YY1AP1: variants seen among roughly 807,000 people sequenced by gnomAD.
YY1AP1 encodes YY1 associated protein 1.
YY1AP1 carries 43 observed loss-of-function variants against 39.9 expected under a neutral mutation model. The ratio of observed to expected loss-of-function variants is 1.08; its 90% confidence interval spans 0.84 to 1.39. The LOEUF (loss-of-function observed/expected upper bound fraction) is 1.39. YY1AP1 is among the 40% of genes most tolerant of loss of function. YY1AP1 has a pLI of 0.00. For synonymous variants in YY1AP1, 292 were observed against 331.3 expected (o/e 0.88, Z 1.29); for missense variants, 813 against 900.7 (o/e 0.90, Z 1.25).
At chr1:155,665,590 AGACTCG>A (rs1648865886) in intron 9 of YY1AP1, among the ~76,000 whole-genome samples, 1 of 151,656 alleles carries the variant, frequency 6.6e-6, no homozygotes, top group African/African-American at 2.4e-5. Context: ...CAACAAAGCG[AGACTCG>A]GTCTCAAAAA....
intron 8 of YY1AP1, 106 bp from the exon 9 acceptor site, chr1:155,668,883 A>AG: frequency 2.0e-6 from 3 of 1,530,444 alleles, no homozygotes; most frequent in Non-Finnish European, 1.8e-6. Context: ...CTTGTTCTTA[A>AG]AACAAGGTCT....
rs748952816 is a variant in YY1AP1, at chr1:155,688,063, C to G, written c.-21+8G>C. 3 of 1,570,892 alleles carry G rather than the reference C, an allele frequency of 1.9e-6. No homozygotes were observed. The highest frequency in any genetic ancestry group is 2.7e-5 in the African/African-American group (2 of 74,132). ...GGCCCGAATGCCGGCCCAAATCGTT[C>G]TACTCACCGTGTCGGAGGCCGAGAG... On this transcript the variant is annotated splice_region_variant and intron_variant, in intron 2 of 10. Transcript: ENST00000355499.
chr1:155,675,495 T>C (rs1304909225), intron 5 of YY1AP1, among the ~76,000 whole-genome samples: 1 of 151,992 alleles, frequency 6.6e-6, no homozygotes, highest in Non-Finnish European at 1.5e-5. Flanking sequence ...ACCCAGCTAA[T>C]TTTTTGTTTT....
chr1:155,679,409 C>T lies in YY1AP1; in HGVS notation c.125G>A (p.Arg42Gln), dbSNP rs777901819. 4.3e-6 allele frequency: 7 copies of T among 1,614,024 alleles called. No individual in the cohort carries two copies. Among genetic ancestry groups the T allele is most frequent in the East Asian group, 2.2e-5 (1 of 44,902 alleles). Residue 42 changes from arginine (R) to glutamine (Q), a missense_variant and splice_region_variant, in exon 4 of 11, where the codon CGG becomes CAG. Around this residue, in one of 3 missense-constraint regions of YY1AP1, gnomAD observed 196 missense variants for 189.7 expected, o/e 1.03. Transcript: ENST00000355499. The stretch of plus-strand genomic sequence containing the variant: ...ATCTCAAGGTCTTCAACTAGCCTAC[C>T]GTAGAGCTTGAGGGGTGTTAAAGTT... ...QANFNTPQAL[R>Q]FEELLANLLN...
At chr1:155,684,350 C>T (rs890325243) in intron 2 of YY1AP1, among the ~76,000 whole-genome samples, 8 of 152,176 alleles carry the variant, frequency 5.3e-5, no homozygotes, top group African/African-American at 1.9e-4. Flanking sequence ...ACACTACACA[C>T]ACATATCACA....
rs1650032505 is a variant in YY1AP1 at position 155,672,616 on chromosome 1, T to C, written c.527A>G (p.Asp176Gly). 7 of 1,613,056 alleles carry C rather than the reference T, an allele frequency of 4.3e-6. No individual in the cohort carries two copies. The highest frequency in any genetic ancestry group is 5.9e-6 in the Non-Finnish European group (7 of 1,179,202). ...GTCAATGCTGACATGTGTGCTGAAG[T>C]CTTCAATCAGCTGCATAGCTCCCAT... ...NLMGAMQLIE[D>G]FSTHVSIDCS... The change falls in exon 7 of 11, where the codon GAC becomes GGC. Residue 176 changes from aspartate (D) to glycine (G), a missense_variant. Transcript: ENST00000355499.
In YY1AP1 at chr1:155,670,367, C is replaced by T. The variant is rs895885221; in HGVS notation, c.681G>A (p.Lys227=). Residue 227 remains lysine, a synonymous_variant, in exon 8 of 11, where the codon AAG becomes AAA. Coordinates refer to ENST00000355499, the MANE Select transcript of YY1AP1 (RefSeq NM_139119.3). ...GGATCTTATCCTGGGGATTCTTTGCCTTCAGGGAACACACTGGAAGTAACT... is the reference window on the plus strand; with the variant it reads ...GGATCTTATCCTGGGGATTCTTTGCTTTCAGGGAACACACTGGAAGTAACT... ...YPELLPVCSL[K]AKNPQDKILF... 1 of 1,613,094 alleles carries T rather than the reference C, an allele frequency of 6.2e-7. No homozygotes were observed. Among genetic ancestry groups the T allele is most frequent in the African/African-American group, 1.3e-5 (1 of 74,888 alleles).
chr1:155,664,767 G>C (rs1648695360), intron 9 of YY1AP1, among the ~76,000 whole-genome samples: 1 of 140,564 alleles, frequency 7.1e-6, no homozygotes, highest in Admixed American at 7.3e-5. Flanking sequence ...CATGAATGGA[G>C]ATTTTTTTTT....
chr1:155,661,099 C>A, intron 10 of YY1AP1, 186 bp from the exon 11 acceptor site: 1 of 1,489,798 alleles, frequency 6.7e-7, no homozygotes, highest in South Asian at 1.3e-5. Flanking sequence ...TTTCCTTTAG[C>A]AAATTACCAT....
Position 155,688,121 on chromosome 1 carries a change from G to A in YY1AP1, c.-71C>T, listed in dbSNP as rs778699844. ...AGTACAGGGAAGTGAGGAAGAGGGG[G>A]TGGCCGCCAGGCTCCTCCGCTTCCC... On this transcript the variant is annotated 5_prime_UTR_variant, in exon 2 of 11. Coordinates refer to ENST00000355499, the MANE Select transcript of YY1AP1 (RefSeq NM_139119.3). 3 of 1,611,418 alleles carry A rather than the reference G, an allele frequency of 1.9e-6. No individual in the cohort carries two copies. Among genetic ancestry groups the A allele is most frequent in the Middle Eastern group, 1.7e-4 (1 of 6,052 alleles).
intron 8 of YY1AP1, among the ~76,000 whole-genome samples, chr1:155,669,721 G>C (rs1306418190): frequency 6.6e-6 from 1 of 152,096 alleles, no homozygotes; most frequent in African/African-American, 2.4e-5. Context: ...TACACACAAA[G>C]GGCCATAAAA....
intron 2 of YY1AP1, among the ~76,000 whole-genome samples, chr1:155,682,123 T>C (rs1480088587): frequency 2.0e-5 from 3 of 152,236 alleles, no homozygotes. Flanking sequence ...CTTGATTTTT[T>C]TTTATTTCCT....
Position 155,659,584 on chromosome 1 carries a change from G to T in YY1AP1, c.*73C>A. On this transcript the variant is annotated 3_prime_UTR_variant, in exon 11 of 11. Coordinates refer to ENST00000355499, the MANE Select transcript of YY1AP1 (RefSeq NM_139119.3). ...AAGTACCCTTTAGGGGTTTCCTATTGGTTACACCCTATGCGCCACCAATCG... is the reference window on the plus strand; with the variant it reads ...AAGTACCCTTTAGGGGTTTCCTATTTGTTACACCCTATGCGCCACCAATCG... 2 of 1,551,082 alleles carry T rather than the reference G, an allele frequency of 1.3e-6. No individual in the cohort carries two copies. The highest frequency in any genetic ancestry group is 1.8e-6 in the Non-Finnish European group (2 of 1,136,212).
intron 8 of YY1AP1, among the ~76,000 whole-genome samples, chr1:155,669,985 A>C (rs1649604161): frequency 6.6e-6 from 1 of 152,156 alleles, no homozygotes. Flanking sequence ...TGATTGCAAC[A>C]CTGTACTCCA....
chr1:155,686,603 A>G (rs1652410263), intron 2 of YY1AP1, among the ~76,000 whole-genome samples: 1 of 152,166 alleles, frequency 6.6e-6, no homozygotes, highest in Non-Finnish European at 1.5e-5. Flanking sequence ...TATTTGTTGA[A>G]TGAGTGAAAA....
intron 9 of YY1AP1, among the ~76,000 whole-genome samples, chr1:155,665,784 C>CAAAA (rs58155011): frequency 1.4e-4 from 5 of 35,038 alleles, no homozygotes; most frequent in Non-Finnish European, 2.8e-4. Flanking sequence ...CTCTGTGTCT[C>CAAAA]AAAAAAAAAA....
intron 7 of YY1AP1, chr1:155,670,723 T>C (rs537354583): frequency 2.1e-5 from 8 of 373,054 alleles, no homozygotes; most frequent in Non-Finnish European, 4.0e-5. Flanking sequence ...TCGCCCAGAC[T>C]GGAGTGCGTG....
chr1:155,683,787 T>C (rs1009415940), intron 2 of YY1AP1, among the ~76,000 whole-genome samples: 2 of 152,112 alleles, frequency 1.3e-5, no homozygotes, highest in African/African-American at 4.8e-5. Context: ...AAGGCAAAAT[T>C]AACACAGTAA....
chr1:155,688,938 G>T (rs375716262), upstream of YY1AP1: 2 of 1,612,826 alleles, frequency 1.2e-6, no homozygotes, highest in South Asian at 2.2e-5. Context: ...ACCTCCCTGG[G>T]TTCGTCGCCG....
Sources: gnomAD v4.1 joint callset for allele counts (sites outside exome capture counted in the v4.1 genomes callset) on GRCh38, gnomAD v4.1.1 for gene constraint, gnomAD v4.1.1 regional missense constraint, MANE v1.5 for transcripts, NCBI Gene and HGNC (gene_info 2026-07-23, HGNC 2026-07-21) for gene names.